The following ZFAND3 variants were observed in gnomAD, a reference collection of about 807,000 sequenced individuals.
ZFAND3 encodes zinc finger AN1-type containing 3, also known as AN1-type zinc finger protein 3.
ZFAND3 carries 10 observed loss-of-function variants against 29.6 expected under a neutral mutation model. The observed-to-expected ratio is 0.34, with a 90% CI of 0.21 to 0.57. The LOEUF (loss-of-function observed/expected upper bound fraction) is 0.57. ZFAND3 is among the 20% of genes least tolerant of loss of function. The pLI, the probability that ZFAND3 is intolerant of heterozygous loss-of-function variation, is 0.86. For synonymous variants in ZFAND3, 128 were observed against 112.6 expected, an observed-to-expected ratio of 1.14 and a Z score of -0.87; for missense variants, 230 against 304.5, an observed-to-expected ratio of 0.76 and a Z score of 1.82.
At position 38,152,591 on chromosome 6, in the gene ZFAND3, C is replaced by G; in HGVS notation, c.*202C>G. 1 of 1,252,502 alleles carries G rather than the reference C, an allele frequency of 8.0e-7. No individual in the cohort carries two copies. Among genetic ancestry groups the G allele is most frequent in the Non-Finnish European group, 1.0e-6 (1 of 999,004 alleles). The allele number at this position is 1,252,502 out of a possible 1,614,324, so 77.6% of individuals were successfully genotyped here. The stretch of plus-strand genomic sequence containing the variant: ...GATTTCTGGCTGGTTACTAAGGTGC[C>G]TGCTAGCCATTGTATAAAATTAAAA... On this transcript the variant is annotated 3_prime_UTR_variant, in exon 6 of 6. Transcript: ENST00000287218.
chr6:38,153,359 C>G lies in ZFAND3; in HGVS notation c.*970C>G. The G allele has an allele frequency of 8.1e-6, 8 of 985,518 alleles. No homozygotes were observed. Among genetic ancestry groups the G allele is most frequent in the Non-Finnish European group, 9.6e-6 (8 of 829,962 alleles). 61.0% of individuals were successfully genotyped at this position (985,518 alleles called of 1,614,324 possible). ...CTGCCGCCCACGGGCTCTGCCCCTTCCAGCTGGAGCCGCCCGTGCCTCCAG... is the reference window on the plus strand; with the variant it reads ...CTGCCGCCCACGGGCTCTGCCCCTTGCAGCTGGAGCCGCCCGTGCCTCCAG... On this transcript the variant is annotated 3_prime_UTR_variant, in exon 6 of 6. Coordinates refer to ENST00000287218, the MANE Select transcript of ZFAND3 (RefSeq NM_021943.3).
intron 1 of ZFAND3, among the ~76,000 whole-genome samples, chr6:37,921,882 C>CAAA (rs778118350): frequency 4.4e-4 from 39 of 87,760 alleles, no homozygotes; most frequent in South Asian, 2.5e-3. Context: ...CCCATCTCTG[C>CAAA]AAAAAAAAAA....
chr6:38,090,208 T>G (rs1764837600), intron 4 of ZFAND3, among the ~76,000 whole-genome samples: 1 of 152,194 alleles, frequency 6.6e-6, no homozygotes, highest in African/African-American at 2.4e-5. Flanking sequence ...AAATCTTTCT[T>G]GTTGGTCCTT....
At chr6:38,063,510 A>G (rs1180525836) in intron 3 of ZFAND3, among the ~76,000 whole-genome samples, 2 of 152,182 alleles carry the variant, frequency 1.3e-5, no homozygotes, top group African/African-American at 4.8e-5. Flanking sequence ...GTTTGCATAC[A>G]CCCATGTTGG....
intron 1 of ZFAND3, among the ~76,000 whole-genome samples, chr6:37,859,497 G>A (rs1167332092): frequency 1.3e-5 from 2 of 152,158 alleles, no homozygotes; most frequent in African/African-American, 4.8e-5. Flanking sequence ...ATAGTATATT[G>A]TATGTTACAA....
chr6:38,019,999 C>T (rs895879113), intron 2 of ZFAND3, among the ~76,000 whole-genome samples: 1 of 152,204 alleles, frequency 6.6e-6, no homozygotes, highest in Non-Finnish European at 1.5e-5. Context: ...GGATTACAGG[C>T]GTGAGCCACC....
At chr6:38,087,652 C>G (rs987465441) in intron 4 of ZFAND3, among the ~76,000 whole-genome samples, 2 of 152,148 alleles carry the variant, frequency 1.3e-5, no homozygotes, top group Non-Finnish European at 1.5e-5. Flanking sequence ...TCATCTCACC[C>G]CAATTAAACT....
intron 2 of ZFAND3, among the ~76,000 whole-genome samples, chr6:37,945,873 C>G (rs951391518): frequency 6.6e-6 from 1 of 152,192 alleles, no homozygotes; most frequent in African/African-American, 2.4e-5. Context: ...ACAGCTCTTG[C>G]TTGAGTGCTT....
rs1321103040 is a variant in ZFAND3 at position 38,126,922 on chromosome 6, TG to T, written c.529+10184del. On this transcript the variant is annotated intron_variant, in intron 5 of 5. Coordinates refer to ENST00000287218, the MANE Select transcript of ZFAND3 (RefSeq NM_021943.3). ...GAATTTAAAAGTTTTATTTTTAGAT[TG>T]TTTTTTTTTTTGCTACCACTTAGAA... Among the ~76,000 whole-genome samples, 93 of 147,646 alleles carry T rather than the reference TG, an allele frequency of 6.3e-4. 1 individual carries two copies. The highest frequency in any genetic ancestry group is 2.5e-3 in the East Asian group (13 of 5,136).
chr6:37,850,448 A>T (rs1210805283), intron 1 of ZFAND3, among the ~76,000 whole-genome samples: 1 of 152,188 alleles, frequency 6.6e-6, no homozygotes, highest in African/African-American at 2.4e-5. Flanking sequence ...TGACACGTCT[A>T]ATGGGTAATA....
At chr6:38,114,505 G>A (rs1248699383) in intron 4 of ZFAND3, among the ~76,000 whole-genome samples, 1 of 152,228 alleles carries the variant, frequency 6.6e-6, no homozygotes, top group Non-Finnish European at 1.5e-5. Flanking sequence ...TCCTTATTTA[G>A]TTGGTTTGTA....
intron 1 of ZFAND3, among the ~76,000 whole-genome samples, chr6:37,915,084 G>A (rs1761217424): frequency 6.6e-6 from 1 of 152,172 alleles, no homozygotes; most frequent in African/African-American, 2.4e-5. Context: ...TTGTACAACA[G>A]CACTTGCTGC....
chr6:38,000,635 G>C (rs1172376694), intron 2 of ZFAND3, among the ~76,000 whole-genome samples: 1 of 152,070 alleles, frequency 6.6e-6, no homozygotes, highest in African/African-American at 2.4e-5. Context: ...CCATGATTCA[G>C]TTACCTCCCA....
At chr6:38,142,307 G>C in intron 5 of ZFAND3, 2 of 471,544 alleles carry the variant, frequency 4.2e-6, no homozygotes, top group Non-Finnish European at 8.8e-6. Context: ...GATGCCCCCT[G>C]ACCACGTTGC....
chr6:38,039,523 G>C (rs962232049), intron 2 of ZFAND3, among the ~76,000 whole-genome samples: 1 of 152,200 alleles, frequency 6.6e-6, no homozygotes, highest in African/African-American at 2.4e-5. Flanking sequence ...AGGTAGAGTA[G>C]TAGTCAGAAG....
At chr6:37,960,707 C>T (rs960892293) in intron 2 of ZFAND3, among the ~76,000 whole-genome samples, 9 of 152,166 alleles carry the variant, frequency 5.9e-5, no homozygotes, top group Non-Finnish European at 1.3e-4. Flanking sequence ...CTTCTCTCAT[C>T]ACAGTTTTTA....
At chr6:37,952,750 G>A (rs1334439892) in intron 2 of ZFAND3, among the ~76,000 whole-genome samples, 1 of 151,934 alleles carries the variant, frequency 6.6e-6, no homozygotes, top group African/African-American at 2.4e-5. Context: ...CCCCAGGAAC[G>A]ACTGTGGGTC....
At chr6:37,880,618 C>G (rs933427909) in intron 1 of ZFAND3, among the ~76,000 whole-genome samples, 2 of 151,958 alleles carry the variant, frequency 1.3e-5, no homozygotes, top group African/African-American at 4.8e-5. Flanking sequence ...TTATTCAGAA[C>G]TTAGTTTCAG....
At chr6:37,972,492 A>T (rs938803934) in intron 2 of ZFAND3, among the ~76,000 whole-genome samples, 1 of 152,216 alleles carries the variant, frequency 6.6e-6, no homozygotes, top group Non-Finnish European at 1.5e-5. Context: ...TCTTGTAGGT[A>T]TATGGAATTG....
Sources: allele counts gnomAD v4.1 joint callset (sites outside exome capture counted in the v4.1 genomes callset), GRCh38; gene constraint gnomAD v4.1.1; transcripts MANE v1.5; gene names NCBI Gene and HGNC (gene_info 2026-07-23, HGNC 2026-07-21).